Variants in KIAA1671 observed in about 807,000 individuals in gnomAD.
KIAA1671 encodes the protein KIAA1671, also known as uncharacterized protein KIAA1671.
A neutral mutation model predicts 131.2 loss-of-function variants in KIAA1671; 52 were observed. The ratio of observed to expected loss-of-function variants is 0.40; its 90% CI spans 0.32 to 0.50. The LOEUF (loss-of-function observed/expected upper bound fraction) is 0.50, where lower values mean the gene tolerates loss of function less well. Ranked by LOEUF, KIAA1671 falls within the 20% of genes least tolerant of loss-of-function variation. The pLI is 0.73. For synonymous variants in KIAA1671, 1,003 were observed against 961.6 expected (o/e 1.04, Z -0.80); for missense variants, 2,360 against 2,364.2 (o/e 1.00, Z 0.04).
chr22:25,068,408 C>A (rs1189398629), intron 6 of KIAA1671, among the ~76,000 whole-genome samples: 2 of 152,188 alleles, frequency 1.3e-5, no homozygotes, highest in Non-Finnish European at 1.5e-5. Context: ...AGCTGCTGCA[C>A]CCAGCACCCT....
intron 6 of KIAA1671, among the ~76,000 whole-genome samples, chr22:25,147,653 A>T (rs550593079): frequency 3.3e-5 from 5 of 151,960 alleles, no homozygotes; most frequent in Admixed American, 6.6e-5. Context: ...AGCCAGCCCT[A>T]TTTAAAATCA....
At chr22:25,117,135 C>CCCCT (rs770528756) in intron 6 of KIAA1671, among the ~76,000 whole-genome samples, 20 of 152,156 alleles carry the variant, frequency 1.3e-4, no homozygotes, top group Non-Finnish European at 2.4e-4. Flanking sequence ...ATCACAATGC[C>CCCCT]CCCTCCCAGC....
chr22:25,119,222 A>G (rs1281905957), intron 6 of KIAA1671, among the ~76,000 whole-genome samples: 1 of 152,084 alleles, frequency 6.6e-6, no homozygotes, highest in African/African-American at 2.4e-5. Context: ...CCTCCATATT[A>G]TAGATGGGTA....
At chr22:25,139,291 C>T (rs1485716117) in intron 6 of KIAA1671, among the ~76,000 whole-genome samples, 1 of 152,210 alleles carries the variant, frequency 6.6e-6, no homozygotes, top group South Asian at 2.1e-4. Context: ...GCAGGCTTGG[C>T]AGGCTGCCTT....
intron 11 of KIAA1671, among the ~76,000 whole-genome samples, chr22:25,187,158 C>T (rs1413059315): frequency 6.6e-6 from 1 of 152,222 alleles, no homozygotes; most frequent in Non-Finnish European, 1.5e-5. Context: ...AGGCCAGCAT[C>T]TTTTCCGACC....
At chr22:25,172,775 T>C (rs1206813322) in intron 7 of KIAA1671, among the ~76,000 whole-genome samples, 1 of 152,184 alleles carries the variant, frequency 6.6e-6, no homozygotes, top group Non-Finnish European at 1.5e-5. Flanking sequence ...TATATTATCA[T>C]AGGAAGAGAT....
At chr22:25,136,450 TC>T (rs1409344776) in intron 6 of KIAA1671, among the ~76,000 whole-genome samples, 2 of 152,190 alleles carry the variant, frequency 1.3e-5, no homozygotes, top group Non-Finnish European at 2.9e-5. Flanking sequence ...GATTATGTTC[TC>T]AAAGGGGAGA....
chr22:25,133,746 C>T (rs1290145188), intron 6 of KIAA1671, among the ~76,000 whole-genome samples: 1 of 152,120 alleles, frequency 6.6e-6, no homozygotes, highest in African/African-American at 2.4e-5. Flanking sequence ...TGGGGTCTTG[C>T]TATGTTGCCC....
intron 1 of KIAA1671, chr22:25,013,586 C>G (rs1925155136): frequency 6.6e-6 from 1 of 152,202 alleles, no homozygotes; most frequent in African/African-American, 2.4e-5. Flanking sequence ...ATCTCAGTCT[C>G]CCTAAGGAGA....
In KIAA1671 at chr22:25,040,599, G is replaced by C. The variant is rs1224480767; in HGVS notation, c.3469G>C (p.Gly1157Arg). Residue 1157 changes from glycine (G) to arginine (R), a missense_variant, in exon 5 of 13, where the codon GGC (glycine) becomes CGC (arginine). This residue lies in a region of KIAA1671 where 1,161 missense variants were observed against 1,204.7 expected (regional missense o/e 0.96). Coordinates refer to ENST00000358431, the MANE Select transcript of KIAA1671 (RefSeq NM_001145206.2). The stretch of plus-strand genomic sequence containing the variant: ...AAGTGCGAACAAGATGTCCCCCAGC[G>C]GCGGAGCTCCCCAAACCACCCCGAC... ...KESANKMSPS[G>R]GAPQTTPTLR... The C allele has an allele frequency of 7.7e-6, 12 of 1,551,630 alleles. No individual in the cohort carries two copies. The highest frequency in any genetic ancestry group is 1.7e-4 in the Middle Eastern group (1 of 6,014).
chr22:24,976,739 A>G (rs1922936437), intron 1 of KIAA1671, among the ~76,000 whole-genome samples: 1 of 151,998 alleles, frequency 6.6e-6, no homozygotes, highest in African/African-American at 2.4e-5. Context: ...TGGGGGACCT[A>G]CCTCTGGCTG....
chr22:25,144,225 T>G (rs978826419), intron 6 of KIAA1671, among the ~76,000 whole-genome samples: 3 of 152,248 alleles, frequency 2.0e-5, no homozygotes, highest in African/African-American at 7.2e-5. Context: ...TACCATGTGC[T>G]GAATGGTCTT....
chr22:25,048,959 A>T, intron 5 of KIAA1671: 2 of 425,410 alleles, frequency 4.7e-6, no homozygotes, highest in Non-Finnish European at 8.6e-6. Context: ...GGGTGCTGTC[A>T]TCATGGGGTT....
Position 25,194,555 on chromosome 22 carries a change from G to A in KIAA1671, c.*2154G>A, listed in dbSNP as rs1934765999. On this transcript the variant is annotated 3_prime_UTR_variant, in exon 13 of 13. Coordinates refer to ENST00000358431, the MANE Select transcript of KIAA1671 (RefSeq NM_001145206.2). ...TTAATTAGTCATGTCTCAGCTCAAG[G>A]ATATCAGACAGGAATGAAACACACT... 1 of 152,154 alleles carries A rather than the reference G, an allele frequency of 6.6e-6. No individual in the cohort carries two copies. The highest frequency in any genetic ancestry group is 2.1e-4 in the South Asian group (1 of 4,830). 9.4% of individuals were successfully genotyped at this position (152,154 alleles called of 1,614,324 possible). A position where few individuals can be genotyped will look rare whatever the true frequency, so the allele number is the denominator to read the frequency against.
At chr22:25,165,680 C>G (rs1196894469) in intron 6 of KIAA1671, among the ~76,000 whole-genome samples, 3 of 152,172 alleles carry the variant, frequency 2.0e-5, no homozygotes. Flanking sequence ...GACCTGAGGT[C>G]TAGGGGACAA....
At chr22:25,064,515 A>G (rs1928360438) in intron 6 of KIAA1671, 1 of 152,168 alleles carries the variant, frequency 6.6e-6, no homozygotes, top group African/African-American at 2.4e-5. Flanking sequence ...CCAGCTAGCA[A>G]GTGTGGGAAT....
In KIAA1671 at chr22:25,029,405, C is replaced by T. The variant is rs1602080099; in HGVS notation, c.1406C>T (p.Ala469Val). 1 of 1,551,382 alleles carries T rather than the reference C, an allele frequency of 6.4e-7. No homozygotes were observed. Among genetic ancestry groups the T allele is most frequent in the Non-Finnish European group, 8.7e-7 (1 of 1,146,838 alleles). The change falls in exon 3 of 13, where the codon GCA becomes GTA. Residue 469 changes from alanine to valine, a missense_variant. By Grantham distance (64) the Ala-to-Val change is moderately conservative. This residue lies in a region of KIAA1671 where 1,185 missense variants were observed against 1,126.2 expected (regional missense o/e 1.05). Transcript: ENST00000358431. Reference protein sequence around the residue: ...PLATPASPSAAPEPEKGVVSV... With the variant: ...PLATPASPSAVPEPEKGVVSV... ...GCCACCCCTGCGTCCCCATCGGCGG[C>T]ACCAGAGCCGGAGAAAGGGGTTGTG...
At chr22:25,057,730 G>A (rs1927932495) in intron 6 of KIAA1671, 1 of 151,384 alleles carries the variant, frequency 6.6e-6, no homozygotes, top group South Asian at 2.1e-4. Context: ...CAGCAGCTTG[G>A]ACCTGGGCTC....
intron 1 of KIAA1671, among the ~76,000 whole-genome samples, chr22:24,968,441 G>A (rs1194277923): frequency 6.6e-6 from 1 of 152,176 alleles, no homozygotes; most frequent in African/African-American, 2.4e-5. Context: ...GACGCCACCT[G>A]GGTCCGGAGC....
Sources: allele counts gnomAD v4.1 joint callset (sites outside exome capture counted in the v4.1 genomes callset), GRCh38; gene constraint gnomAD v4.1.1; regional missense constraint gnomAD v4.1.1; transcripts MANE v1.5; gene names NCBI Gene and HGNC (gene_info 2026-07-23, HGNC 2026-07-21).